Variants in SHF observed in about 807,000 individuals in gnomAD.
SHF encodes the protein SH2 domain-containing adapter protein F.
Under a neutral mutation model 42.4 loss-of-function variants are expected in SHF, and 30 were observed. The observed-to-expected ratio is 0.71, with a 90% CI of 0.53 to 0.96. The LOEUF (loss-of-function observed/expected upper bound fraction) is 0.96, where lower values mean the gene tolerates loss of function less well. Ranked by LOEUF, SHF falls within the 40% of genes least tolerant of loss-of-function variation. The pLI, the probability that SHF is intolerant of heterozygous loss-of-function variation, is 0.00. For missense variants in SHF, 598 were observed against 634.0 expected, an observed-to-expected ratio of 0.94 and a Z score of 0.61; for synonymous variants, 264 against 269.9, an observed-to-expected ratio of 0.98 and a Z score of 0.21.
chr15:45,195,670 GT>G (rs1898842257), intron 2 of SHF, among the ~76,000 whole-genome samples: 1 of 152,154 alleles, frequency 6.6e-6, no homozygotes, highest in Admixed American at 6.5e-5. Context: ...CCACATTCTT[GT>G]TTCCCCTCTT....
upstream of SHF, among the ~76,000 whole-genome samples, chr15:45,188,227 G>T (rs1004989087): frequency 6.6e-6 from 1 of 152,110 alleles, no homozygotes; most frequent in African/African-American, 2.4e-5. Context: ...TTTACGTGTC[G>T]CCACGCGGTC....
chr15:45,178,221 T>C lies in SHF; in HGVS notation c.584A>G (p.Lys195Arg), dbSNP rs758139993. ...GSAGASGAPEKVPENDGYMEP... is the reference protein window; with the variant it reads ...GSAGASGAPERVPENDGYMEP... Reference sequence around the variant, plus strand: ...CATGTAGCCATCATTTTCAGGGACCTTCTCTGGGGCTCCTGAAGCTCCTGC... The same window carrying C: ...CATGTAGCCATCATTTTCAGGGACCCTCTCTGGGGCTCCTGAAGCTCCTGC... The change falls in exon 2 of 7, where the codon AAG (lysine) becomes AGG (arginine). Residue 195 changes from lysine (K) to arginine (R), a missense_variant. Lys to Arg is a conservative substitution (Grantham distance 26). Coordinates refer to ENST00000690270, the MANE Select transcript of SHF (RefSeq NM_001394037.1). 6.2e-7 allele frequency: 1 copy of C among 1,613,910 alleles called. No individual in the cohort carries two copies.
chr15:45,184,744 C>T (rs912912956), intron 1 of SHF, among the ~76,000 whole-genome samples: 1 of 152,270 alleles, frequency 6.6e-6, no homozygotes, highest in Non-Finnish European at 1.5e-5. Flanking sequence ...AGCTCTCTAG[C>T]CCCCACTGCC....
At position 45,172,276 on chromosome 15, in the gene SHF, C is replaced by T. The variant is rs374215190; in HGVS notation, c.1031G>A (p.Arg344Gln). 2.0e-5 allele frequency: 32 copies of T among 1,611,976 alleles called. No individual in the cohort carries two copies. The Middle Eastern group carries it at 8.2e-4, about 42-fold the overall frequency. The change falls in exon 5 of 7, where the codon CGG becomes CAG. Residue 344 changes from arginine (R) to glutamine (Q), a missense_variant. Coordinates refer to ENST00000690270, the MANE Select transcript of SHF (RefSeq NM_001394037.1). ...GPEKSCLSPG[R>Q]EEKGRLPPRL... Reference sequence around the variant, plus strand: ...GGGAGGTAGCCGCCCCTTCTCCTCCCGGCCAGGTGACAGGCAGCTCTTCTC... The same window carrying T: ...GGGAGGTAGCCGCCCCTTCTCCTCCTGGCCAGGTGACAGGCAGCTCTTCTC...
At chr15:45,168,646 G>C (rs1222847951) in intron 6 of SHF, among the ~76,000 whole-genome samples, 1 of 152,158 alleles carries the variant, frequency 6.6e-6, no homozygotes, top group Admixed American at 6.5e-5. Context: ...CTAGGGGGAA[G>C]GGGGAAGCTG....
At position 45,187,516 on chromosome 15, in the gene SHF, G is replaced by A; in HGVS notation, c.436C>T (p.Pro146Ser). The A allele has an allele frequency of 3.2e-6, 4 of 1,232,262 alleles. No individual in the cohort carries two copies. The highest frequency in any genetic ancestry group is 3.0e-6 in the Non-Finnish European group (3 of 987,938). The allele number at this position is 1,232,262 out of a possible 1,614,324, so 76.3% of individuals were successfully genotyped here. Residue 146 changes from proline to serine, a missense_variant, in exon 1 of 7, where the codon CCG becomes TCG. Physicochemically the swap from Pro to Ser is moderately conservative, Grantham distance 74. Around this residue, in one of 2 missense-constraint regions of SHF, gnomAD observed 439 missense variants for 524.6 expected, o/e 0.84. Transcript: ENST00000690270. ...PPHRLIRVET[P>S]GPPAPPADER... ...TCAGCAGGCGGCGCCGGGGGCCCCGGGGTCTCGACCCGAATAAGGCGGTGT... is the reference window on the plus strand; with the variant it reads ...TCAGCAGGCGGCGCCGGGGGCCCCGAGGTCTCGACCCGAATAAGGCGGTGT...
intron 1 of SHF, among the ~76,000 whole-genome samples, chr15:45,185,866 G>A (rs1329627656): frequency 2.0e-5 from 3 of 152,348 alleles, no homozygotes; most frequent in South Asian, 4.1e-4. Context: ...ACATATTTAT[G>A]TACCCTTTTT....
rs1489374932 is a variant in SHF, at chr15:45,167,777, G to A, written c.*170C>T. On this transcript the variant is annotated 3_prime_UTR_variant, in exon 7 of 7. Coordinates refer to ENST00000690270, the MANE Select transcript of SHF (RefSeq NM_001394037.1). ...AGCTCCAGACAACCCCTTACTCCAA[G>A]GCCCCAGGAGCCCTTTCCCTTTAGA... The A allele has an allele frequency of 1.8e-6, 1 of 546,202 alleles. No homozygotes were observed. The highest frequency in any genetic ancestry group is 2.9e-6 in the Non-Finnish European group (1 of 345,064). 33.8% of individuals were successfully genotyped at this position (546,202 alleles called of 1,614,324 possible).
chr15:45,195,016 G>C (rs1391145325), intron 2 of SHF, among the ~76,000 whole-genome samples: 1 of 151,932 alleles, frequency 6.6e-6, no homozygotes, highest in Non-Finnish European at 1.5e-5. Flanking sequence ...TTTTTTTGCA[G>C]AGATGAGGTC....
chr15:45,179,630 TCTC>T (rs924606972), intron 1 of SHF, among the ~76,000 whole-genome samples: 4 of 152,176 alleles, frequency 2.6e-5, no homozygotes, highest in South Asian at 2.1e-4. Context: ...GGCTTGGGCT[TCTC>T]CTGATGGGGC....
chr15:45,167,808 T>C lies in SHF; in HGVS notation c.*139A>G. The C allele has an allele frequency of 1.2e-6, 1 of 804,798 alleles. No homozygotes were observed. Among genetic ancestry groups the C allele is most frequent in the East Asian group, 3.2e-5 (1 of 31,406 alleles). 49.9% of individuals were successfully genotyped at this position (804,798 alleles called of 1,614,324 possible). A position where few individuals can be genotyped will look rare whatever the true frequency, so the allele number is the denominator to read the frequency against. On this transcript the variant is annotated 3_prime_UTR_variant, in exon 7 of 7. Transcript: ENST00000690270. ...AGGAGCCCTTTCCCTTTAGAATAAA[T>C]TAAGGAATCTCCAGCTTCTACTGGA...
chr15:45,187,358 C>T (rs548050950), intron 1 of SHF, 96 bp downstream of exon 1: 1 of 1,172,436 alleles, frequency 8.5e-7, no homozygotes, highest in Non-Finnish European at 1.1e-6. Flanking sequence ...GCTGAGACAC[C>T]GAGGGGCCCG....
intron 4 of SHF, among the ~76,000 whole-genome samples, chr15:45,172,990 C>G (rs1204376305): frequency 6.6e-6 from 1 of 152,210 alleles, no homozygotes; most frequent in African/African-American, 2.4e-5. Flanking sequence ...CGCACGTGCA[C>G]GTACGGACAG....
At chr15:45,192,357 G>GTTT (rs1567041917), upstream of SHF, among the ~76,000 whole-genome samples, 5 of 113,880 alleles carry the variant, frequency 4.4e-5, no homozygotes, top group African/African-American at 2.0e-4. Flanking sequence ...TCTGATTCCA[G>GTTT]ATTTTTTTTT....
At chr15:45,176,355 T>A (rs968677517) in intron 2 of SHF, among the ~76,000 whole-genome samples, 2 of 150,046 alleles carry the variant, frequency 1.3e-5, no homozygotes, top group African/African-American at 4.9e-5. Context: ...TCTCGAATGC[T>A]AATATCTGAC....
chr15:45,198,826 C>G, exon 2 of SHF: 4 of 1,614,020 alleles, frequency 2.5e-6, no homozygotes, highest in Non-Finnish European at 3.4e-6. Flanking sequence ...GCGTTGTACT[C>G]CGCCAGTTGC....
intron 1 of SHF, among the ~76,000 whole-genome samples, chr15:45,186,416 C>T (rs7173300): frequency 0.028 from 4,268 of 152,326 alleles, 220 homozygotes; most frequent in African/African-American, 0.1. Flanking sequence ...ATGTTCTTCT[C>T]TGCTGAGGAG....
At chr15:45,186,292 T>C (rs1250719793) in intron 1 of SHF, among the ~76,000 whole-genome samples, 2 of 152,244 alleles carry the variant, frequency 1.3e-5, no homozygotes, top group African/African-American at 4.8e-5. Context: ...GCTCTGACCC[T>C]GACAGATCTC....
rs189511937 is a variant in SHF at position 45,185,332 on chromosome 15, C to T, written c.498+2122G>A. Among the ~76,000 whole-genome samples the T allele has an allele frequency of 1.0e-3, 157 of 152,366 alleles. 2 individuals are homozygous for T. The highest frequency in any genetic ancestry group is 2.9e-5 in the Non-Finnish European group (2 of 68,036). ...CTCCACTGGGCCACAGGGGCATGCG[C>T]CAGCTCACATCCAGGAGCAGCATCT... is the stretch of plus-strand genomic sequence containing the variant. On this transcript the variant is annotated intron_variant, in intron 1 of 6. Coordinates refer to ENST00000690270, the MANE Select transcript of SHF (RefSeq NM_001394037.1).
Sources: allele counts gnomAD v4.1 joint callset (sites outside exome capture counted in the v4.1 genomes callset), GRCh38; gene constraint gnomAD v4.1.1; regional missense constraint gnomAD v4.1.1; transcripts MANE v1.5; gene names NCBI Gene and HGNC (gene_info 2026-07-23, HGNC 2026-07-21).